The following GCDH variants were observed in gnomAD, a reference collection of about 807,000 sequenced individuals.
The protein encoded by GCDH is glutaryl-CoA dehydrogenase, also known as glutaryl-CoA dehydrogenase, mitochondrial.
GCDH carries 31 observed loss-of-function variants against 52.8 expected under a neutral mutation model. That is an observed-to-expected ratio of 0.59 (90% CI 0.44 to 0.79). GCDH has a LOEUF of 0.79. Among genes scored for constraint, GCDH ranks in the 30% least tolerant of loss-of-function variants. The probability of loss-of-function intolerance (pLI) is 0.00; values close to 1 mark genes in which losing one functional copy is unlikely to be tolerated. For missense variants in GCDH, 509 were observed against 595.0 expected (o/e 0.86, Z 1.50); for synonymous variants, 242 against 250.0 (o/e 0.97, Z 0.30).
rs763739291 is a variant in GCDH at position 12,896,043 on chromosome 19, G to A, written c.557G>A (p.Ser186Asn). The A allele has an allele frequency of 2.5e-6, 4 of 1,614,156 alleles. No homozygotes were observed. Among genetic ancestry groups the A allele is most frequent in the East Asian group, 2.2e-5 (1 of 44,880 alleles). ...CFGLTEPNSGSDPSSMETRAH... is the reference protein window; with the variant it reads ...CFGLTEPNSGNDPSSMETRAH... ...GGGCTCACAGAGCCCAACAGCGGAAGTGACCCCAGCAGCATGGAGACCAGA... is the reference window on the plus strand; with the variant it reads ...GGGCTCACAGAGCCCAACAGCGGAAATGACCCCAGCAGCATGGAGACCAGA... The change falls in exon 7 of 12, where the codon AGT (serine) becomes AAT (asparagine). Residue 186 changes from serine to asparagine, a missense_variant. Transcript: ENST00000222214. This position sits in a 1 kb window ranked among gnomAD's most constrained non-coding sequence, Gnocchi z 5.5.
At chr19:12,891,452 C>A in intron 2 of GCDH, 35 bp from the exon 3 acceptor site, 1 of 1,614,194 alleles carries the variant, frequency 6.2e-7, no homozygotes. Flanking sequence ...GGTTTAGGGA[C>A]TTTCCGGGGT....
At position 12,897,019 on chromosome 19, in the gene GCDH, T is replaced by A; in HGVS notation, c.956+6T>A. The A allele has an allele frequency of 6.2e-7, 1 of 1,601,880 alleles. No homozygotes were observed. Among genetic ancestry groups the A allele is most frequent in the Non-Finnish European group, 8.5e-7 (1 of 1,170,750 alleles). ...CGGCAGTACGCCCTCGACAGGTGTG[T>A]GAGGGCTGCAGTGAGATTCTCTGGG... On this transcript the variant is annotated splice_donor_region_variant and intron_variant, in intron 9 of 11. Transcript: ENST00000222214.
At position 12,897,366 on chromosome 19, in the gene GCDH, C is replaced by T. The variant is rs755657008; in HGVS notation, c.1020C>T (p.Leu340=). The T allele has an allele frequency of 6.2e-7, 1 of 1,613,722 alleles. No individual in the cohort carries two copies. The highest frequency in any genetic ancestry group is 1.1e-5 in the South Asian group (1 of 91,070). The change falls in exon 10 of 12, where the codon CTC becomes CTT. Residue 340 remains leucine, a synonymous_variant. Transcript: ENST00000222214. The part of the protein sequence containing the change: ...QLIQKKLADM[L]TEITLGLHAC... The stretch of plus-strand genomic sequence containing the variant: ...TTCAGAAGAAGCTGGCAGACATGCT[C>T]ACTGAGATTACCCTGGGCCTTCACG...
Position 12,899,058 on chromosome 19 carries a change from G to C in GCDH, c.1244-410G>C. On this transcript the variant is annotated intron_variant, in intron 11 of 11. Coordinates refer to ENST00000222214, the MANE Select transcript of GCDH (RefSeq NM_000159.4). ...GAGCTCAGGGGTGCTTTCAGCCTCT[G>C]TGGCAAGGAAGCGTGGCCAGGTTGA... The C allele has an allele frequency of 6.2e-6, 3 of 483,458 alleles. No homozygotes were observed. The South Asian group carries it at 6.5e-5, about 10-fold the overall frequency. The allele number at this position is 483,458 out of a possible 1,614,324, so 29.9% of individuals were successfully genotyped here.
chr19:12,899,535 C>T lies in GCDH; in HGVS notation c.1311C>T (p.Ser437=), dbSNP rs772406272. The change falls in exon 12 of 12, where the codon AGC becomes AGT. Residue 437 remains serine, a synonymous_variant. Coordinates refer to ENST00000222214, the MANE Select transcript of GCDH (RefSeq NM_000159.4). Reference sequence around the variant, plus strand: ...CGGGAATCCAGGCGTTCACGGCCAGCAAGTGAGCCGCTCCATCAGGGGCCC... The same window carrying T: ...CGGGAATCCAGGCGTTCACGGCCAGTAAGTGAGCCGCTCCATCAGGGGCCC... ...AITGIQAFTA[S]K The T allele has an allele frequency of 4.3e-6, 7 of 1,614,162 alleles. No individual in the cohort carries two copies. The highest frequency in any genetic ancestry group is 5.1e-6 in the Non-Finnish European group (6 of 1,180,012).
chr19:12,898,117 C>T (rs559302862), intron 11 of GCDH: 13 of 523,514 alleles, frequency 2.5e-5, no homozygotes, highest in East Asian at 7.0e-5. Flanking sequence ...CCCACATGCT[C>T]GGGAGGAGGG....
chr19:12,898,540 ATCC>A (rs1970750291), intron 11 of GCDH, among the ~76,000 whole-genome samples: 1 of 150,602 alleles, frequency 6.6e-6, no homozygotes, highest in Non-Finnish European at 1.5e-5. Context: ...GGGTGGGGGG[ATCC>A]TACAAATGTG....
chr19:12,894,659 A>C lies in GCDH; in HGVS notation c.505+1006A>C, dbSNP rs186427959. 161 of 789,330 alleles carry C rather than the reference A, an allele frequency of 2.0e-4. No homozygotes were observed. The African/African-American group carries it at 2.5e-3, about 12-fold the overall frequency. 48.9% of individuals were successfully genotyped at this position (789,330 alleles called of 1,614,324 possible). On this transcript the variant is annotated intron_variant, in intron 6 of 11. Coordinates refer to ENST00000222214, the MANE Select transcript of GCDH (RefSeq NM_000159.4). ...GAAACCTAGGACCAAAGCACCCAAG[A>C]TTCAGCGCCTTGTCACTCCACATGT... is the stretch of plus-strand genomic sequence containing the variant.
In GCDH at chr19:12,897,134, C is replaced by T. The variant is rs982057196; in HGVS notation, c.956+121C>T. 6.0e-6 allele frequency: 7 copies of T among 1,172,158 alleles called. No homozygotes were observed. The African/African-American group carries it at 9.1e-5, about 15-fold the overall frequency. 72.6% of individuals were successfully genotyped at this position (1,172,158 alleles called of 1,614,324 possible). A position where few individuals can be genotyped will look rare whatever the true frequency, so the allele number is the denominator to read the frequency against. ...GCCTGAGTTCCTTGCTCTGGAATGA[C>T]CAGTGACGTCCTTCTGAGCAGCTGT... On this transcript the variant is annotated intron_variant, in intron 9 of 11. Transcript: ENST00000222214.
rs762837797 is a variant in GCDH at position 12,893,580 on chromosome 19, G to A, written c.432G>A (p.Gln144=). The A allele has an allele frequency of 1.9e-6, 3 of 1,613,926 alleles. No homozygotes were observed. Among genetic ancestry groups the A allele is most frequent in the Non-Finnish European group, 2.5e-6 (3 of 1,179,846 alleles). The stretch of plus-strand genomic sequence containing the variant: ...GCTACAGGTCGGCGATGAGTGTCCA[G>A]TCCTCCCTCGTCATGCACCCTATCT... ...DSGYRSAMSV[Q]SSLVMHPIYA... is the part of the protein sequence containing the mutation. Residue 144 remains glutamine, a synonymous_variant, in exon 6 of 12, where the codon CAG becomes CAA. Coordinates refer to ENST00000222214, the MANE Select transcript of GCDH (RefSeq NM_000159.4).
In GCDH at chr19:12,899,841, G is replaced by A. The variant is rs1306949577; in HGVS notation, c.*300G>A. ...AGGAGAGTGACATGGAAGCAACTCC[G>A]TCTGCTGCAGCTGACCCCCTCACAC... On this transcript the variant is annotated 3_prime_UTR_variant, in exon 12 of 12. Transcript: ENST00000222214. 35 of 1,570,406 alleles carry A rather than the reference G, an allele frequency of 2.2e-5. No homozygotes were observed. In the East Asian group the frequency reaches 4.3e-4, roughly 19 times the overall value.
chr19:12,896,033 AAC>A lies in GCDH; in HGVS notation c.549_550del (p.Asn183LysfsTer4). 1 of 1,614,036 alleles carries A rather than the reference AAC, an allele frequency of 6.2e-7. No homozygotes were observed. Among genetic ancestry groups the A allele is most frequent in the Non-Finnish European group, 8.5e-7 (1 of 1,179,938 alleles). ...GGGCTGCTTCGGGCTCACAGAGCCC[AAC>A]AGCGGAAGTGACCCCAGCAGCATGG... ...LLGCFGLTEP[N>X]SGSDPSSMET... On this transcript the variant is annotated frameshift_variant, in exon 7 of 12. Coordinates refer to ENST00000222214, the MANE Select transcript of GCDH (RefSeq NM_000159.4). LOFTEE classifies it high-confidence loss of function. This position sits in a 1 kb window ranked among gnomAD's most constrained non-coding sequence, Gnocchi z 5.5.
chr19:12,896,915 C>CT lies in GCDH; in HGVS notation c.860dup (p.Gly288ArgfsTer55), dbSNP rs1970693382. On this transcript the variant is annotated frameshift_variant, in exon 9 of 12. Coordinates refer to ENST00000222214, the MANE Select transcript of GCDH (RefSeq NM_000159.4). LOFTEE classifies it high-confidence loss of function. This position sits in a 1 kb window ranked among gnomAD's most constrained non-coding sequence, Gnocchi z 5.5. ...GCGCCATCTCAACCCTACAGGGTCCCTTCGGCTGCCTGAACAACGCCCGGT... is the reference window on the plus strand; with the variant it reads ...GCGCCATCTCAACCCTACAGGGTCCCTTTCGGCTGCCTGAACAACGCCCGGT... 6.2e-7 allele frequency: 1 copy of CT among 1,612,964 alleles called. No individual in the cohort carries two copies. The highest frequency in any genetic ancestry group is 8.5e-7 in the Non-Finnish European group (1 of 1,179,626).
At position 12,891,212 on chromosome 19, in the gene GCDH, G is replaced by A; in HGVS notation, c.-35+10G>A. 1.0e-6 allele frequency: 1 copy of A among 960,428 alleles called. No individual in the cohort carries two copies. The highest frequency in any genetic ancestry group is 1.3e-5 in the South Asian group (1 of 75,294). The allele number at this position is 960,428 out of a possible 1,614,324, so 59.5% of individuals were successfully genotyped here. On this transcript the variant is annotated intron_variant, in intron 1 of 11. Coordinates refer to ENST00000222214, the MANE Select transcript of GCDH (RefSeq NM_000159.4). ...CGGGAGGTACTACCAGGTAAGGAAG[G>A]TGCGGTAGCCCCAGCCGTGGGTGAG...
In GCDH at chr19:12,896,227, G is replaced by A. The variant is rs375357230; in HGVS notation, c.658G>A (p.Asp220Asn). The A allele has an allele frequency of 1.1e-5, 18 of 1,614,164 alleles. No homozygotes were observed. Among genetic ancestry groups the A allele is most frequent in the Non-Finnish European group, 1.3e-5 (15 of 1,180,028 alleles). The change falls in exon 8 of 12, where the codon GAT becomes AAT. Residue 220 changes from aspartate to asparagine, a missense_variant. Coordinates refer to ENST00000222214, the MANE Select transcript of GCDH (RefSeq NM_000159.4). This position sits in a 1 kb window ranked among gnomAD's most constrained non-coding sequence, Gnocchi z 5.5. ...KTWITNSPMA[D>N]LFVVWARCED... is the part of the protein sequence containing the mutation. ...CAGGATCACGAACTCGCCTATGGCC[G>A]ATCTGTTTGTAGTGTGGGCTCGGTG...
chr19:12,894,634 G>A (rs1007533173), intron 6 of GCDH: 8 of 740,444 alleles, frequency 1.1e-5, no homozygotes, highest in African/African-American at 1.8e-5. Flanking sequence ...AAGAAGGTAA[G>A]AAACCTAGGA....
intron 3 of GCDH, 136 bp downstream of exon 3, chr19:12,891,658 G>T: frequency 6.2e-7 from 1 of 1,606,570 alleles, no homozygotes; most frequent in East Asian, 2.2e-5. Context: ...AGGCACTAAG[G>T]CAGTGAGTGC....
At position 12,891,821 on chromosome 19, in the gene GCDH, C is replaced by A. The variant is rs1415948529; in HGVS notation, c.128-10C>A. The A allele has an allele frequency of 2.5e-6, 4 of 1,613,560 alleles. No homozygotes were observed. Among genetic ancestry groups the A allele is most frequent in the Non-Finnish European group, 2.5e-6 (3 of 1,180,002 alleles). On this transcript the variant is annotated splice_polypyrimidine_tract_variant and intron_variant, in intron 3 of 11. Coordinates refer to ENST00000222214, the MANE Select transcript of GCDH (RefSeq NM_000159.4). The stretch of plus-strand genomic sequence containing the variant: ...TTGCGGACTGGACCGAGGCGAATTC[C>A]CCTTCCCAGCCTCGCGTCCCGAGTT...
At chr19:12,892,331 GCCCA>G in intron 5 of GCDH, 153 bp downstream of exon 5, 1 of 764,074 alleles carries the variant, frequency 1.3e-6, no homozygotes. Context: ...TGGCTCTGTT[GCCCA>G]GGCTGGAGTG....
Sources: allele counts gnomAD v4.1 joint callset (sites outside exome capture counted in the v4.1 genomes callset), GRCh38; gene constraint gnomAD v4.1.1; non-coding constraint Gnocchi (gnomAD v3.1); transcripts MANE v1.5; gene names NCBI Gene and HGNC (gene_info 2026-07-23, HGNC 2026-07-21).